PTPRU: variants seen among roughly 807,000 people sequenced by gnomAD.
PTPRU encodes receptor-type tyrosine-protein phosphatase U.
In PTPRU, 69 loss-of-function variants were observed where a neutral mutation model predicts 166.3. The observed-to-expected ratio is 0.41, with a 90% CI of 0.34 to 0.51. The LOEUF (loss-of-function observed/expected upper bound fraction) is 0.51, where lower values mean the gene tolerates loss of function less well. PTPRU is among the 20% of genes least tolerant of loss of function. The probability of loss-of-function intolerance (pLI) is 0.09; values close to 1 mark genes in which losing one functional copy is unlikely to be tolerated. For synonymous variants in PTPRU, 793 were observed against 814.0 expected (o/e 0.97, Z 0.44); for missense variants, 1,657 against 2,013.7 (o/e 0.82, Z 3.39).
At chr1:29,258,461 CCT>C in intron 2 of PTPRU, 42 bp from the exon 3 acceptor site, 1 of 1,589,600 alleles carries the variant, frequency 6.3e-7, no homozygotes, top group East Asian at 2.2e-5. Context: ...CTGTCCCTCC[CCT>C]GAGGTCTCCT....
rs752247574 is a variant in PTPRU at position 29,311,656 on chromosome 1, G to A, written c.2969G>A (p.Arg990Gln). The A allele has an allele frequency of 1.3e-5, 21 of 1,614,080 alleles. No homozygotes were observed. In the East Asian group the frequency reaches 1.6e-4, roughly 12 times the overall value. Residue 990 changes from arginine (R) to glutamine (Q), a missense_variant, in exon 21 of 30, where the codon CGG becomes CAG. Physicochemically the swap from Arg to Gln is conservative, Grantham distance 43. This residue lies in a region of PTPRU where 1,190 missense variants were observed against 1,477.4 expected (regional missense o/e 0.81). Coordinates refer to ENST00000373779, the MANE Select transcript of PTPRU (RefSeq NM_133178.4). The surrounding 1 kb of genome is among the most constrained non-coding windows in gnomAD (Gnocchi z 4.1). ...TGGGGCCTCTAGGTGAAATGCTCAC[G>A]GTACTGGCCGGAGGACTCAGACACC... ...LVEVGRVKCS[R>Q]YWPEDSDTYG...
chr1:29,287,598 T>G (rs1686416272), intron 14 of PTPRU, among the ~76,000 whole-genome samples: 1 of 151,060 alleles, frequency 6.6e-6, no homozygotes, highest in Admixed American at 6.6e-5. Context: ...TGTATGTTTT[T>G]TTTTTTTTTT....
chr1:29,303,961 C>T lies in PTPRU; in HGVS notation c.2583C>T (p.His861=). Residue 861 remains histidine, a synonymous_variant, in exon 16 of 30, where the codon CAC becomes CAT. Transcript: ENST00000373779. ...CCCCATACCACACGGGGCAGCTGCACCCTGCGGTGCGTGTCGCAGACCTTC... is the reference window on the plus strand; with the variant it reads ...CCCCATACCACACGGGGCAGCTGCATCCTGCGGTGCGTGTCGCAGACCTTC... ...KGSPYHTGQL[H]PAVRVADLLQ... The T allele has an allele frequency of 6.2e-7, 1 of 1,613,906 alleles. No individual in the cohort carries two copies. Among genetic ancestry groups the T allele is most frequent in the Non-Finnish European group, 8.5e-7 (1 of 1,179,870 alleles).
intron 15 of PTPRU, among the ~76,000 whole-genome samples, chr1:29,297,739 A>G (rs1372494217): frequency 1.3e-5 from 2 of 152,198 alleles, no homozygotes; most frequent in African/African-American, 4.8e-5. Flanking sequence ...GAGGCAGGAA[A>G]CATGGGCTCT....
chr1:29,260,006 G>T lies in PTPRU; in HGVS notation c.812G>T (p.Gly271Val), dbSNP rs1386018858. 7 of 1,486,328 alleles carry T rather than the reference G, an allele frequency of 4.7e-6. No individual in the cohort carries two copies. The highest frequency in any genetic ancestry group is 2.7e-5 in the East Asian group (1 of 37,648). The allele number at this position is 1,486,328 out of a possible 1,614,324, so 92.1% of individuals were successfully genotyped here. A position where few individuals can be genotyped will look rare whatever the true frequency, so the allele number is the denominator to read the frequency against. ...LYRCVSQAPR[G>V]AGVSNFAELI... ...CGCTGTGTGTCCCAGGCCCCGCGCG[G>T]CGCGGGCGTCTCTAACTTCGCGGAG... is the stretch of plus-strand genomic sequence containing the variant. Residue 271 changes from glycine to valine, a missense_variant, in exon 6 of 30, where the codon GGC (glycine) becomes GTC (valine). This residue lies in a region of PTPRU where 453 missense variants were observed against 496.9 expected (regional missense o/e 0.91). Transcript: ENST00000373779. The surrounding 1 kb of genome is among the most constrained non-coding windows in gnomAD (Gnocchi z 8.3).
intron 15 of PTPRU, among the ~76,000 whole-genome samples, chr1:29,297,525 A>G (rs1332608687): frequency 6.6e-6 from 1 of 152,120 alleles, no homozygotes; most frequent in Non-Finnish European, 1.5e-5. Flanking sequence ...ACCTCGAGGG[A>G]TGGGTAGGAT....
In PTPRU at chr1:29,271,944, G is replaced by T. The variant is rs1685573242; in HGVS notation, c.1145-3504G>T. Among the ~76,000 whole-genome samples the T allele has an allele frequency of 6.6e-6, 1 of 152,152 alleles. No homozygotes were observed. Among genetic ancestry groups the T allele is most frequent in the Admixed American group, 6.5e-5 (1 of 15,276 alleles). On this transcript the variant is annotated intron_variant, in intron 7 of 29. Coordinates refer to ENST00000373779, the MANE Select transcript of PTPRU (RefSeq NM_133178.4). The surrounding 1 kb of genome is among the most constrained non-coding windows in gnomAD (Gnocchi z 4.4). Reference sequence around the variant, plus strand: ...GGAACAGAGAGCCACTCCCAGTAGTGCAAATAAAGCAGTGGTACCTCGGCT... The same window carrying T: ...GGAACAGAGAGCCACTCCCAGTAGTTCAAATAAAGCAGTGGTACCTCGGCT...
At position 29,279,916 on chromosome 1, in the gene PTPRU, C is replaced by A; in HGVS notation, c.1766-123C>A. ...GCCAGGGTAGCTCAGGTCATGTCAG[C>A]AGGAACAAAGAGGCTAAGGCTGAAG... On this transcript the variant is annotated intron_variant, in intron 10 of 29. Transcript: ENST00000373779. This position sits in a 1 kb window ranked among gnomAD's most constrained non-coding sequence, Gnocchi z 5.2. The A allele has an allele frequency of 1.8e-6, 2 of 1,098,206 alleles. No individual in the cohort carries two copies. Among genetic ancestry groups the A allele is most frequent in the Non-Finnish European group, 2.6e-6 (2 of 759,554 alleles). The allele number at this position is 1,098,206 out of a possible 1,614,324, so 68.0% of individuals were successfully genotyped here.
chr1:29,267,468 TG>T (rs1251794382), intron 7 of PTPRU, among the ~76,000 whole-genome samples: 1 of 151,506 alleles, frequency 6.6e-6, no homozygotes, highest in Non-Finnish European at 1.5e-5. Flanking sequence ...CAAGGGAAGG[TG>T]ACATTTGAGC....
Position 29,270,470 on chromosome 1 carries a change from C to T in PTPRU, c.1145-4978C>T, listed in dbSNP as rs576069056. The stretch of plus-strand genomic sequence containing the variant: ...TACAGGCGCGCACCACCATGCCTGG[C>T]TAATTTTTATATTTTTGTAGAGATG... On this transcript the variant is annotated intron_variant, in intron 7 of 29. Coordinates refer to ENST00000373779, the MANE Select transcript of PTPRU (RefSeq NM_133178.4). Among the ~76,000 whole-genome samples the T allele has an allele frequency of 4.2e-4, 64 of 152,228 alleles. 1 individual carries two copies. The highest frequency in any genetic ancestry group is 1.5e-3 in the African/African-American group (61 of 41,560).
intron 1 of PTPRU, among the ~76,000 whole-genome samples, chr1:29,249,171 C>CAT (rs1558547196): frequency 5.3e-5 from 8 of 152,152 alleles, no homozygotes; most frequent in South Asian, 2.1e-4. Context: ...CACACACACA[C>CAT]GCACACCTGC....
intron 18 of PTPRU, among the ~76,000 whole-genome samples, chr1:29,307,749 CTTTTTTTTTTT>C (rs201782011): frequency 8.5e-6 from 1 of 117,248 alleles, no homozygotes; most frequent in Non-Finnish European, 2.0e-5. Flanking sequence ...AAATATTATG[CTTTTTTTTTTT>C]TTTTTTTTTT....
At chr1:29,295,940 C>T (rs1002937030) in intron 15 of PTPRU, among the ~76,000 whole-genome samples, 1 of 152,166 alleles carries the variant, frequency 6.6e-6, no homozygotes, top group African/African-American at 2.4e-5. Flanking sequence ...ATCCACCCAC[C>T]TTGGCCTCTC....
Position 29,255,152 on chromosome 1 carries a change from G to A in PTPRU, c.74-123G>A, listed in dbSNP as rs1459309395. ...AGAGGGAGGGAGCAGTGTGGGGAAGGGCCTGAAGAGAGGGAGGAGGGCAGG... is the reference window on the plus strand; with the variant it reads ...AGAGGGAGGGAGCAGTGTGGGGAAGAGCCTGAAGAGAGGGAGGAGGGCAGG... On this transcript the variant is annotated intron_variant, in intron 1 of 29. Transcript: ENST00000373779. 4 of 1,182,680 alleles carry A rather than the reference G, an allele frequency of 3.4e-6. No individual in the cohort carries two copies. The South Asian group carries it at 6.2e-5, about 18-fold the overall frequency. The allele number at this position is 1,182,680 out of a possible 1,614,324, so 73.3% of individuals were successfully genotyped here. A position where few individuals can be genotyped will look rare whatever the true frequency, so the allele number is the denominator to read the frequency against.
Position 29,260,188 on chromosome 1 carries a change from T to A in PTPRU, c.850+144T>A. 1.0e-6 allele frequency: 1 copy of A among 995,728 alleles called. No individual in the cohort carries two copies. The highest frequency in any genetic ancestry group is 1.3e-6 in the Non-Finnish European group (1 of 744,612). 61.7% of individuals were successfully genotyped at this position (995,728 alleles called of 1,614,324 possible). On this transcript the variant is annotated intron_variant, in intron 6 of 29. Transcript: ENST00000373779. The surrounding 1 kb of genome is among the most constrained non-coding windows in gnomAD (Gnocchi z 8.3). ...GGGGCGCTATCTGAAGATGGGCCTG[T>A]GGAAATGGCAGTGGCCCAGCCGGGA... is the stretch of plus-strand genomic sequence containing the variant.
intron 1 of PTPRU, among the ~76,000 whole-genome samples, chr1:29,239,629 G>A (rs1052462598): frequency 1.3e-5 from 2 of 152,108 alleles, no homozygotes; most frequent in Non-Finnish European, 2.9e-5. Flanking sequence ...GGCATATGGG[G>A]TGGCCTTTCC....
intron 18 of PTPRU, among the ~76,000 whole-genome samples, 159 bp from the exon 19 acceptor site, chr1:29,310,585 G>A (rs1168709298): frequency 6.6e-6 from 1 of 152,078 alleles, no homozygotes; most frequent in Non-Finnish European, 1.5e-5. Flanking sequence ...GGGACCTGGG[G>A]GGATGCAAAG....
In PTPRU at chr1:29,259,513, C is replaced by T. The variant is rs199659873; in HGVS notation, c.624C>T (p.Phe208=). 9.3e-6 allele frequency: 15 copies of T among 1,611,666 alleles called. No homozygotes were observed. The highest frequency in any genetic ancestry group is 1.3e-5 in the Non-Finnish European group (15 of 1,178,942). Residue 208 remains phenylalanine (F), a synonymous_variant, in exon 5 of 30, where the codon TTC becomes TTT. Transcript: ENST00000373779. ...TCAACGCGGGCCAGAACGCGTCGTT[C>T]CAGTGCATGGCCGCGGGCAGAGCGG... ...VEVNAGQNAS[F]QCMAAGRAAE...
chr1:29,268,016 G>A (rs1685380547), intron 7 of PTPRU, among the ~76,000 whole-genome samples: 1 of 152,220 alleles, frequency 6.6e-6, no homozygotes, highest in South Asian at 2.1e-4. Context: ...AGAAGTCAAG[G>A]ATGGCTCCAA....
Sources: gnomAD v4.1 joint callset for allele counts (sites outside exome capture counted in the v4.1 genomes callset) on GRCh38, gnomAD v4.1.1 for gene constraint, gnomAD v4.1.1 regional missense constraint, Gnocchi (gnomAD v3.1) non-coding constraint, MANE v1.5 for transcripts, NCBI Gene and HGNC (gene_info 2026-07-23, HGNC 2026-07-21) for gene names.